RBMS3: variants seen among roughly 807,000 people sequenced by gnomAD.
The protein encoded by RBMS3 is RNA binding motif single stranded interacting protein 3.
Under a neutral mutation model 66.8 loss-of-function variants are expected in RBMS3, and 27 were observed. The observed-to-expected ratio is 0.40, with a 90% CI of 0.30 to 0.56. RBMS3 has a LOEUF of 0.56. Ranked by LOEUF, RBMS3 falls within the 20% of genes least tolerant of loss-of-function variation. The pLI, the probability that RBMS3 is intolerant of heterozygous loss-of-function variation, is 0.40. For synonymous variants in RBMS3, 188 were observed against 183.0 expected (o/e 1.03, Z -0.22); for missense variants, 513 against 549.5 (o/e 0.93, Z 0.66).
At chr3:29,393,428 A>G (rs940732159) in intron 1 of RBMS3, among the ~76,000 whole-genome samples, 4 of 152,010 alleles carry the variant, frequency 2.6e-5, no homozygotes, top group African/African-American at 4.8e-5. Context: ...TCCAAATTGT[A>G]TGCACACACA....
chr3:29,566,339 C>T (rs575021388), intron 3 of RBMS3, among the ~76,000 whole-genome samples: 2 of 152,158 alleles, frequency 1.3e-5, no homozygotes, highest in South Asian at 2.1e-4. Context: ...GTGCTCCAGT[C>T]AAAAGCAACA....
At chr3:29,914,358 A>G (rs1211236435) in intron 10 of RBMS3, among the ~76,000 whole-genome samples, 1 of 151,866 alleles carries the variant, frequency 6.6e-6, no homozygotes, top group Non-Finnish European at 1.5e-5. Context: ...AAGATTTTCA[A>G]TATGTACCTC....
At chr3:29,472,625 G>C (rs1480890774) in intron 2 of RBMS3, among the ~76,000 whole-genome samples, 1 of 152,074 alleles carries the variant, frequency 6.6e-6, no homozygotes, top group Non-Finnish European at 1.5e-5. Context: ...ACTGGCTCAG[G>C]AGTGAAGCTG....
intron 3 of RBMS3, among the ~76,000 whole-genome samples, chr3:29,542,668 A>G (rs2045809730): frequency 6.6e-6 from 1 of 152,010 alleles, no homozygotes; most frequent in African/African-American, 2.4e-5. Flanking sequence ...GCCCATCCCC[A>G]ATTTTTAAAT....
At chr3:29,423,270 T>A (rs528057587) in intron 1 of RBMS3, among the ~76,000 whole-genome samples, 22 of 152,346 alleles carry the variant, frequency 1.4e-4, no homozygotes, top group African/African-American at 4.8e-4. Flanking sequence ...TTAATTTCTA[T>A]CTTTTCTTGG....
chr3:29,553,778 T>G (rs2046255545), intron 3 of RBMS3, among the ~76,000 whole-genome samples: 1 of 150,650 alleles, frequency 6.6e-6, no homozygotes, highest in Non-Finnish European at 1.5e-5. Context: ...AAAACAATTT[T>G]TATTACAATA....
intron 1 of RBMS3, among the ~76,000 whole-genome samples, chr3:29,309,444 G>A (rs2034234353): frequency 6.6e-6 from 1 of 151,756 alleles, no homozygotes. Flanking sequence ...GTATCATAAT[G>A]TACTGACACG....
intron 4 of RBMS3, among the ~76,000 whole-genome samples, chr3:29,658,669 T>A (rs771839627): frequency 7.2e-5 from 11 of 152,216 alleles, no homozygotes; most frequent in Non-Finnish European, 1.3e-4. Flanking sequence ...TTATCCAAAT[T>A]CTCATTCATG....
chr3:29,760,281 A>ACACACACC (rs1456292765), intron 5 of RBMS3, among the ~76,000 whole-genome samples: 13 of 149,592 alleles, frequency 8.7e-5, no homozygotes, highest in African/African-American at 3.3e-4. Context: ...ACACACACAC[A>ACACACACC]CCCCTACACA....
intron 6 of RBMS3, among the ~76,000 whole-genome samples, chr3:29,794,350 G>A (rs1018747964): frequency 6.6e-6 from 1 of 152,150 alleles, no homozygotes; most frequent in African/African-American, 2.4e-5. Context: ...ACTTTGGGAG[G>A]CTGAGGCAGG....
At chr3:29,366,531 C>A (rs904078322) in intron 1 of RBMS3, among the ~76,000 whole-genome samples, 36 of 149,384 alleles carry the variant, frequency 2.4e-4, no homozygotes, top group Non-Finnish European at 3.9e-4. Context: ...CAGCTATGAG[C>A]CACCAGGCTG....
rs80349599 is a variant in RBMS3 at position 29,753,914 on chromosome 3, A to G, written c.558-8996A>G. ...CACTTTTTCTTTTCAGAGAGAAACT[A>G]TTTTTTCCCCGACCAAAATTTTAAA... On this transcript the variant is annotated intron_variant, in intron 5 of 14. Transcript: ENST00000383767. Among the ~76,000 whole-genome samples, 641 of 151,854 alleles carry G rather than the reference A, an allele frequency of 4.2e-3. 16 individuals carry two copies. The highest frequency in any genetic ancestry group is 0.035 in the Admixed American group (531 of 15,250).
At chr3:29,535,710 C>CTTTTGTT (rs2045527910) in intron 3 of RBMS3, among the ~76,000 whole-genome samples, 1 of 39,732 alleles carries the variant, frequency 2.5e-5, no homozygotes, top group Non-Finnish European at 4.2e-5. Context: ...GATCATTGCT[C>CTTTTGTT]TTTTTTTTTT....
intron 4 of RBMS3, among the ~76,000 whole-genome samples, chr3:29,605,552 T>C (rs2048295698): frequency 6.6e-6 from 1 of 151,798 alleles, no homozygotes. Context: ...AGAAATGAGG[T>C]TGAGAGTGAA....
chr3:29,764,055 A>T (rs77907540), intron 6 of RBMS3, among the ~76,000 whole-genome samples: 415 of 152,200 alleles, frequency 2.7e-3, no homozygotes, highest in Non-Finnish European at 4.4e-3. Context: ...GAGTTTATAG[A>T]TAAGAGGAAG....
At chr3:29,476,458 T>C (rs565038085) in intron 2 of RBMS3, among the ~76,000 whole-genome samples, 1 of 152,328 alleles carries the variant, frequency 6.6e-6, no homozygotes, top group East Asian at 1.9e-4. Flanking sequence ...CATAGGTAGT[T>C]GAACTACACC....
intron 2 of RBMS3, among the ~76,000 whole-genome samples, chr3:29,467,623 G>A (rs1299109716): frequency 6.6e-6 from 1 of 152,112 alleles, no homozygotes; most frequent in Non-Finnish European, 1.5e-5. Flanking sequence ...TTGGTAAAAT[G>A]TTCAAGGAAA....
rs78842239 is a variant in RBMS3, at chr3:29,759,532, C to G, written c.558-3378C>G. Among the ~76,000 whole-genome samples the G allele has an allele frequency of 6.3e-3, 958 of 152,164 alleles. 19 individuals are homozygous for G. The highest frequency in any genetic ancestry group is 0.035 in the Admixed American group (535 of 15,266). ...CCCATCTGAAAGGGACATATAAAGG[C>G]AGCTGTGTCTGGTGTGCTGTCTTTT... On this transcript the variant is annotated intron_variant, in intron 5 of 14. Coordinates refer to ENST00000383767, the MANE Select transcript of RBMS3 (RefSeq NM_001003793.3).
intron 1 of RBMS3, among the ~76,000 whole-genome samples, chr3:29,337,640 T>C (rs1461994919): frequency 1.3e-5 from 2 of 152,024 alleles, no homozygotes; most frequent in African/African-American, 2.4e-5. Context: ...AGTGAGAACC[T>C]GTGTCTAATT....
Sources: gnomAD v4.1 joint callset for allele counts (sites outside exome capture counted in the v4.1 genomes callset) on GRCh38, gnomAD v4.1.1 for gene constraint, MANE v1.5 for transcripts, NCBI Gene and HGNC (gene_info 2026-07-23, HGNC 2026-07-21) for gene names.